Variants in CNBD1 observed in about 807,000 individuals in gnomAD.
CNBD1 encodes the protein cyclic nucleotide binding domain containing 1, also known as cyclic nucleotide-binding domain-containing protein 1.
In CNBD1, 71 loss-of-function variants were observed where a neutral mutation model predicts 54.4. The observed-to-expected ratio is 1.30, with a 90% CI of 1.08 to 1.59. The LOEUF (loss-of-function observed/expected upper bound fraction) is 1.59. Among genes scored for constraint, CNBD1 ranks in the 40% most tolerant of loss-of-function variants. The pLI, the probability that CNBD1 is intolerant of heterozygous loss-of-function variation, is 0.00. For synonymous variants in CNBD1, 182 were observed against 170.7 expected (o/e 1.07, Z -0.51); for missense variants, 659 against 518.0 (o/e 1.27, Z -2.64).
At chr8:87,205,527 A>G (rs1326159918) in intron 4 of CNBD1, among the ~76,000 whole-genome samples, 1 of 152,158 alleles carries the variant, frequency 6.6e-6, no homozygotes, top group Admixed American at 6.6e-5. Context: ...TTTTCACTTA[A>G]CGATTTATAC....
At chr8:87,223,606 G>A (rs1814399994) in intron 5 of CNBD1, among the ~76,000 whole-genome samples, 1 of 152,160 alleles carries the variant, frequency 6.6e-6, no homozygotes, top group Admixed American at 6.5e-5. Flanking sequence ...GTTCCATGGT[G>A]TATATGTGCC....
In CNBD1 at chr8:87,137,148, T is replaced by A. The variant is rs868757272; in HGVS notation, c.432-68845T>A. ...TATTATATATAAATTATATATATAT[T>A]TTTATTCTATATAAATTATATATAT... On this transcript the variant is annotated intron_variant, in intron 4 of 10. Transcript: ENST00000518476. Among the ~76,000 whole-genome samples, 815 of 140,826 alleles carry A rather than the reference T, an allele frequency of 5.8e-3. 17 individuals are homozygous for A. The highest frequency in any genetic ancestry group is 0.016 in the South Asian group (75 of 4,688). The allele number at this position is 140,826 out of a possible 152,430, so 92.4% of individuals were successfully genotyped here.
intron 4 of CNBD1, among the ~76,000 whole-genome samples, chr8:87,162,303 C>T (rs1812874209): frequency 6.6e-6 from 1 of 152,008 alleles, no homozygotes; most frequent in South Asian, 2.1e-4. Flanking sequence ...AATAGTATTT[C>T]ACCATTTAAT....
chr8:87,377,517 G>C (rs1215039379), intron 10 of CNBD1, among the ~76,000 whole-genome samples: 1 of 151,922 alleles, frequency 6.6e-6, no homozygotes, highest in Non-Finnish European at 1.5e-5. Context: ...ATTCCATGTT[G>C]TATATGTGCC....
intron 5 of CNBD1, among the ~76,000 whole-genome samples, chr8:87,206,413 G>T (rs1333275225): frequency 6.6e-6 from 1 of 152,124 alleles, no homozygotes; most frequent in Non-Finnish European, 1.5e-5. Context: ...ATATTGTCGG[G>T]TTTAAACATC....
At chr8:87,330,189 C>A (rs530402664) in intron 8 of CNBD1, among the ~76,000 whole-genome samples, 1 of 145,594 alleles carries the variant, frequency 6.9e-6, no homozygotes, top group East Asian at 2.0e-4. Flanking sequence ...TAGTGATGTC[C>A]CCTATTTTAT....
intron 5 of CNBD1, among the ~76,000 whole-genome samples, chr8:87,219,344 A>G (rs187402550): frequency 9.2e-5 from 14 of 152,186 alleles, no homozygotes; most frequent in African/African-American, 2.9e-4. Context: ...AAATGAAAAC[A>G]GACTCTCATC....
intron 4 of CNBD1, among the ~76,000 whole-genome samples, chr8:87,195,120 T>C (rs974745096): frequency 1.3e-5 from 2 of 151,800 alleles, no homozygotes; most frequent in Non-Finnish European, 2.9e-5. Flanking sequence ...CCTGACCTCA[T>C]GATCCACCCA....
At chr8:86,868,508 T>G (rs1489154713) in intron 1 of CNBD1, among the ~76,000 whole-genome samples, 1 of 152,030 alleles carries the variant, frequency 6.6e-6, no homozygotes, top group Non-Finnish European at 1.5e-5. Flanking sequence ...AATTTTTGTA[T>G]TTTTAGTAGA....
chr8:87,412,825 G>C (rs1395961202), intron 2 of CNBD1, among the ~76,000 whole-genome samples: 1 of 152,040 alleles, frequency 6.6e-6, no homozygotes, highest in Non-Finnish European at 1.5e-5. Flanking sequence ...AGGTTAGGCA[G>C]TGATGTAAAT....
chr8:87,128,238 G>A (rs747383485), intron 4 of CNBD1, among the ~76,000 whole-genome samples: 1 of 152,186 alleles, frequency 6.6e-6, no homozygotes, highest in Non-Finnish European at 1.5e-5. Flanking sequence ...GCACTGAGCT[G>A]GTTAACACTT....
intron 8 of CNBD1, among the ~76,000 whole-genome samples, chr8:87,332,349 A>C (rs1809853535): frequency 8.1e-6 from 1 of 122,732 alleles, no homozygotes; most frequent in South Asian, 2.4e-4. Context: ...CTCTGTCTAA[A>C]GAAAAAAAAA....
At chr8:87,034,853 A>T (rs1037092025) in intron 4 of CNBD1, among the ~76,000 whole-genome samples, 1 of 152,168 alleles carries the variant, frequency 6.6e-6, no homozygotes, top group Non-Finnish European at 1.5e-5. Context: ...TCAAGGATCA[A>T]CTATATACAT....
intron 6 of CNBD1, among the ~76,000 whole-genome samples, chr8:87,262,847 T>G (rs555997129): frequency 2.0e-5 from 3 of 152,308 alleles, no homozygotes; most frequent in African/African-American, 7.2e-5. Context: ...TAGACAGTTT[T>G]AACATCTACT....
rs947776852 is a variant in CNBD1, at chr8:87,118,330, A to G, written c.432-87663A>G. Among the ~76,000 whole-genome samples the G allele has an allele frequency of 5.3e-5, 8 of 151,042 alleles. No homozygotes were observed. The South Asian group carries it at 1.7e-3, about 32-fold the overall frequency. On this transcript the variant is annotated intron_variant, in intron 4 of 10. Coordinates refer to ENST00000518476, the MANE Select transcript of CNBD1 (RefSeq NM_173538.3). ...ACTCTGTCTCAAAAAAAAAAAAAAA[A>G]AAAAAAAATAGAGCGGTACAACGGT... is the stretch of plus-strand genomic sequence containing the variant.
intron 2 of CNBD1, among the ~76,000 whole-genome samples, chr8:87,390,938 G>A (rs897857512): frequency 8.5e-5 from 13 of 152,118 alleles, no homozygotes; most frequent in Non-Finnish European, 1.2e-4. Context: ...CATATCCTTT[G>A]TAGGGAGATG....
chr8:87,327,632 G>A (rs935853279), intron 8 of CNBD1, among the ~76,000 whole-genome samples: 3 of 152,198 alleles, frequency 2.0e-5, no homozygotes, highest in Non-Finnish European at 4.4e-5. Context: ...GCGCTTCCCA[G>A]GTGAGGCAGT....
chr8:87,330,694 A>G (rs1283257529), intron 8 of CNBD1, among the ~76,000 whole-genome samples: 1 of 152,120 alleles, frequency 6.6e-6, no homozygotes, highest in Non-Finnish European at 1.5e-5. Flanking sequence ...GGTTGGTTTT[A>G]TGGGCTGAAA....
chr8:87,351,726 A>C lies in CNBD1; in HGVS notation c.1084A>C (p.Ile362Leu), dbSNP rs1341693053. 8 of 1,536,934 alleles carry C rather than the reference A, an allele frequency of 5.2e-6. No individual in the cohort carries two copies. In the South Asian group the frequency reaches 1.0e-4, roughly 20 times the overall value. The change falls in exon 9 of 11, where the codon ATT becomes CTT. Residue 362 changes from isoleucine to leucine, a missense_variant. By Grantham distance (5) the Ile-to-Leu change is conservative (BLOSUM62 2). Transcript: ENST00000518476. ...AAATATAATTTCTTTTGTGGGTTAT[A>C]TTAACTCTGGATGCTGTAACATTTA... is the stretch of plus-strand genomic sequence containing the variant. The part of the protein sequence containing the change: ...SGNIISFVGY[I>L]NSGCCNIYRS...
Sources: allele counts gnomAD v4.1 joint callset (sites outside exome capture counted in the v4.1 genomes callset), GRCh38; gene constraint gnomAD v4.1.1; transcripts MANE v1.5; gene names NCBI Gene and HGNC (gene_info 2026-07-23, HGNC 2026-07-21).